MAPT: variants seen among roughly 807,000 people sequenced by gnomAD.
MAPT encodes the protein microtubule-associated protein tau.
A neutral mutation model predicts 67.9 loss-of-function variants in MAPT; 34 were observed. That is an observed-to-expected ratio of 0.50 (90% confidence interval 0.38 to 0.67). MAPT has a LOEUF of 0.67. MAPT is among the 30% of genes least tolerant of loss of function. The pLI is 0.00. For missense variants in MAPT, 881 were observed against 1,115.2 expected (o/e 0.79, Z 2.99); for synonymous variants, 456 against 464.5 (o/e 0.98, Z 0.23).
intron 1 of MAPT, among the ~76,000 whole-genome samples, chr17:45,903,044 T>C (rs777762599): frequency 7.9e-4 from 121 of 152,302 alleles, no homozygotes; most frequent in Non-Finnish European, 1.9e-4. Flanking sequence ...GGATGCACTT[T>C]CATGCTTGTG....
chr17:46,015,127 C>T (rs975414023), intron 11 of MAPT, among the ~76,000 whole-genome samples: 7 of 152,112 alleles, frequency 4.6e-5, no homozygotes, highest in African/African-American at 1.7e-4. Flanking sequence ...GTCTGTAATC[C>T]CAGTACTTTG....
intron 11 of MAPT, among the ~76,000 whole-genome samples, chr17:46,014,593 G>A (rs925562432): frequency 3.3e-5 from 5 of 152,322 alleles, no homozygotes; most frequent in East Asian, 1.9e-4. Flanking sequence ...ACATATTCTC[G>A]GCCGGGCGCT....
At chr17:45,981,780 A>G (rs1447461934) in intron 4 of MAPT, among the ~76,000 whole-genome samples, 1 of 152,118 alleles carries the variant, frequency 6.6e-6, no homozygotes, top group East Asian at 1.9e-4. Context: ...CTGTAATCCC[A>G]GAGGCAAGAG....
chr17:45,994,639 A>G (rs1427250127), intron 8 of MAPT, among the ~76,000 whole-genome samples: 1 of 152,176 alleles, frequency 6.6e-6, no homozygotes, highest in African/African-American at 2.4e-5. Flanking sequence ...CCTGAGCAAC[A>G]TAGTCAGACC....
At chr17:45,970,914 G>A (rs1315735793) in intron 2 of MAPT, among the ~76,000 whole-genome samples, 1 of 152,248 alleles carries the variant, frequency 6.6e-6, no homozygotes, top group African/African-American at 2.4e-5. Flanking sequence ...AGCACAGGCT[G>A]TATCTTCTGA....
intron 1 of MAPT, among the ~76,000 whole-genome samples, chr17:45,947,557 T>C (rs1205947384): frequency 6.6e-6 from 1 of 151,910 alleles, no homozygotes; most frequent in Non-Finnish European, 1.5e-5. Context: ...CCAGCTAATT[T>C]TTGTGTTTTT....
chr17:45,961,863 C>T (rs945224542), intron 1 of MAPT, among the ~76,000 whole-genome samples: 27 of 151,886 alleles, frequency 1.8e-4, no homozygotes, highest in Admixed American at 2.0e-4. Flanking sequence ...GCAACCTCCA[C>T]CTGCCAGGTT....
At chr17:45,924,631 G>T (rs947084508) in intron 1 of MAPT, among the ~76,000 whole-genome samples, 9 of 152,146 alleles carry the variant, frequency 5.9e-5, no homozygotes. Context: ...CATCACATGC[G>T]TACACCCATG....
chr17:45,983,662 G>T lies in MAPT; in HGVS notation c.1083G>T (p.Gly361=). 1 of 1,614,052 alleles carries T rather than the reference G, an allele frequency of 6.2e-7. No homozygotes were observed. The highest frequency in any genetic ancestry group is 8.5e-7 in the Non-Finnish European group (1 of 1,180,006). Residue 361 remains glycine (G), a synonymous_variant, in exon 5 of 13, where the codon GGG becomes GGT. Transcript: ENST00000262410. Reference sequence around the variant, plus strand: ...AGATCCCAGCCTCAGAGCCCGACGGGCCCAGTGTAGGGCGGGCCAAAGGGC... The same window carrying T: ...AGATCCCAGCCTCAGAGCCCGACGGTCCCAGTGTAGGGCGGGCCAAAGGGC... ...STEIPASEPD[G]PSVGRAKGQD... is the part of the protein sequence containing the mutation.
At chr17:45,953,927 A>G (rs952618884) in intron 1 of MAPT, among the ~76,000 whole-genome samples, 15 of 152,328 alleles carry the variant, frequency 9.8e-5, no homozygotes, top group Non-Finnish European at 1.8e-4. Context: ...AAAACCCAAC[A>G]TGAAAAGCAG....
Position 46,010,141 on chromosome 17 carries a change from C to T in MAPT, c.1999-169C>T, listed in dbSNP as rs994441692. ...TCCCCTGGGATGTGACTCAACCTCCCGTCACTCCCCAGACTGCCTCTGCCA... is the reference window on the plus strand; with the variant it reads ...TCCCCTGGGATGTGACTCAACCTCCTGTCACTCCCCAGACTGCCTCTGCCA... On this transcript the variant is annotated intron_variant, in intron 9 of 12. Coordinates refer to ENST00000262410, the MANE Select transcript of MAPT (RefSeq NM_001377265.1). This position sits in a 1 kb window ranked among gnomAD's most constrained non-coding sequence, Gnocchi z 4.7. Among the ~76,000 whole-genome samples, 2 of 152,168 alleles carry T rather than the reference C, an allele frequency of 1.3e-5. No homozygotes were observed. Among genetic ancestry groups the T allele is most frequent in the African/African-American group, 4.8e-5 (2 of 41,430 alleles).
At chr17:45,940,699 G>A (rs2067772742) in intron 1 of MAPT, among the ~76,000 whole-genome samples, 1 of 152,072 alleles carries the variant, frequency 6.6e-6, no homozygotes, top group Non-Finnish European at 1.5e-5. Flanking sequence ...GTGGCTCCAG[G>A]GCACTGAGCA....
At chr17:46,021,986 T>A (rs1014940961) in intron 12 of MAPT, among the ~76,000 whole-genome samples, 5 of 152,216 alleles carry the variant, frequency 3.3e-5, no homozygotes, top group African/African-American at 9.6e-5. Flanking sequence ...TTCCCAGGAA[T>A]GTCTTAAAAA....
At position 45,956,571 on chromosome 17, in the gene MAPT, TATATATATATATATATATATATA is replaced by T. The variant is rs1568230583; in HGVS notation, c.-17-5749_-17-5727del. Reference sequence around the variant, plus strand: ...TTTTATATATATATATATATATATATATATATATATATATATATATATATATATATTTTTTATTATTATACTTT... The same window carrying T: ...TTTTATATATATATATATATATATATTATATATTTTTTATTATTATACTTT... On this transcript the variant is annotated intron_variant, in intron 1 of 12. Coordinates refer to ENST00000262410, the MANE Select transcript of MAPT (RefSeq NM_001377265.1). 1.6e-3 allele frequency among the ~76,000 whole-genome samples: 104 copies of T among 66,214 alleles called. 1 individual carries two copies. Among genetic ancestry groups the T allele is most frequent in the Non-Finnish European group, 2.6e-3 (85 of 32,658 alleles). The allele number at this position is 66,214 out of a possible 152,430, so 43.4% of individuals were successfully genotyped here. A position where few individuals can be genotyped will look rare whatever the true frequency, so the allele number is the denominator to read the frequency against.
chr17:45,953,843 T>C (rs2069332648), intron 1 of MAPT, among the ~76,000 whole-genome samples: 1 of 152,194 alleles, frequency 6.6e-6, no homozygotes. Flanking sequence ...CGCATTGCCC[T>C]GAGTCCTGGG....
intron 1 of MAPT, among the ~76,000 whole-genome samples, chr17:45,950,656 A>T (rs576400587): frequency 6.6e-6 from 1 of 151,978 alleles, no homozygotes; most frequent in South Asian, 2.1e-4. Context: ...AATTTTTAAA[A>T]TTTTATTTAT....
At chr17:45,932,450 C>T (rs2066924319) in intron 1 of MAPT, among the ~76,000 whole-genome samples, 1 of 151,702 alleles carries the variant, frequency 6.6e-6, no homozygotes, top group Non-Finnish European at 1.5e-5. Context: ...ATTAGCCAGG[C>T]ATGATGGTGG....
chr17:46,010,081 G>A lies in MAPT; in HGVS notation c.1999-229G>A, dbSNP rs1230055617. Among the ~76,000 whole-genome samples the A allele has an allele frequency of 6.6e-6, 1 of 152,170 alleles. No homozygotes were observed. Among genetic ancestry groups the A allele is most frequent in the African/African-American group, 2.4e-5 (1 of 41,436 alleles). ...CCCGCTGGAAATCACTCACACTTCT[G>A]GGATGCCTTCAGAGCAGCCCTCTAT... On this transcript the variant is annotated intron_variant, in intron 9 of 12. Coordinates refer to ENST00000262410, the MANE Select transcript of MAPT (RefSeq NM_001377265.1). The surrounding 1 kb of genome is among the most constrained non-coding windows in gnomAD (Gnocchi z 4.7).
chr17:45,989,628 G>A (rs2073897892), intron 6 of MAPT, among the ~76,000 whole-genome samples: 1 of 152,196 alleles, frequency 6.6e-6, no homozygotes, highest in South Asian at 2.1e-4. Flanking sequence ...TCCAGCCTGG[G>A]CGACAGAGCG....
Sources: allele counts gnomAD v4.1 joint callset (sites outside exome capture counted in the v4.1 genomes callset), GRCh38; gene constraint gnomAD v4.1.1; non-coding constraint Gnocchi (gnomAD v3.1); transcripts MANE v1.5; gene names NCBI Gene and HGNC (gene_info 2026-07-23, HGNC 2026-07-21).